Variants in FNDC3A observed in about 807,000 individuals in gnomAD.
FNDC3A encodes fibronectin type III domain containing 3A.
FNDC3A carries 32 observed loss-of-function variants against 148.9 expected under a neutral mutation model. That is an observed-to-expected ratio of 0.21 (90% confidence interval 0.16 to 0.29). FNDC3A has a LOEUF of 0.29. Among genes scored for constraint, FNDC3A ranks in the 10% least tolerant of loss-of-function variants. The probability of loss-of-function intolerance (pLI) is 1.00; values close to 1 mark genes in which losing one functional copy is unlikely to be tolerated. For synonymous variants in FNDC3A, 472 were observed against 473.6 expected (o/e 1.00, Z 0.04); for missense variants, 1,191 against 1,452.8 (o/e 0.82, Z 2.93).
chr13:49,187,551 C>T (rs1324630565), intron 16 of FNDC3A: 1 of 1,610,662 alleles, frequency 6.2e-7, no homozygotes, highest in Non-Finnish European at 8.5e-7. Context: ...ACAAACACAT[C>T]TTAGCTAGTA....
At chr13:49,185,087 GA>G (rs2138088396) in intron 14 of FNDC3A, among the ~76,000 whole-genome samples, 1 of 151,872 alleles carries the variant, frequency 6.6e-6, no homozygotes, top group South Asian at 2.1e-4. Context: ...GAGAGAAAAA[GA>G]GGGGCAGGTT....
chr13:49,090,192 G>T (rs576242382), intron 3 of FNDC3A, among the ~76,000 whole-genome samples: 6 of 152,306 alleles, frequency 3.9e-5, no homozygotes, highest in African/African-American at 1.4e-4. Flanking sequence ...GGAGGCTGAG[G>T]TGGGCAGATC....
chr13:49,093,349 G>C (rs541366272), intron 3 of FNDC3A, among the ~76,000 whole-genome samples: 5 of 152,210 alleles, frequency 3.3e-5, no homozygotes, highest in African/African-American at 1.2e-4. Flanking sequence ...TTGCCTTATA[G>C]ATCCTCAAGT....
chr13:49,136,337 C>A lies in FNDC3A; in HGVS notation c.496C>A (p.His166Asn). 1 of 1,612,260 alleles carries A rather than the reference C, an allele frequency of 6.2e-7. No individual in the cohort carries two copies. Among genetic ancestry groups the A allele is most frequent in the Non-Finnish European group, 8.5e-7 (1 of 1,178,760 alleles). ...SSQVYGDVDA[H>N]STHGRSNFRD... ...TTGTTTTTATTGCCTCCTAGATGCT[C>A]ACTCTACACATGGAAGGTCCAACTT... Residue 166 changes from histidine (H) to asparagine (N), a missense_variant, in exon 6 of 26, where the codon CAC becomes AAC. Around this residue, in one of 3 missense-constraint regions of FNDC3A, gnomAD observed 426 missense variants for 473.2 expected, o/e 0.90. Transcript: ENST00000492622.
intron 13 of FNDC3A, among the ~76,000 whole-genome samples, chr13:49,176,029 G>C (rs1418479712): frequency 6.6e-6 from 1 of 152,182 alleles, no homozygotes; most frequent in African/African-American, 2.4e-5. Context: ...AACCAGCCTT[G>C]CATTCCTAGG....
At chr13:49,105,409 C>T (rs1029810385) in intron 3 of FNDC3A, among the ~76,000 whole-genome samples, 3 of 152,212 alleles carry the variant, frequency 2.0e-5, no homozygotes, top group African/African-American at 7.2e-5. Context: ...TGTTCTGATC[C>T]ATGCTTCTCT....
At chr13:49,103,433 T>G (rs937065055) in intron 3 of FNDC3A, among the ~76,000 whole-genome samples, 2 of 152,226 alleles carry the variant, frequency 1.3e-5, no homozygotes, top group Non-Finnish European at 2.9e-5. Context: ...GGAAGCATAG[T>G]AGGCTACAGT....
chr13:49,006,441 G>A (rs1340646352), intron 2 of FNDC3A, 152 bp downstream of exon 2: 2 of 514,342 alleles, frequency 3.9e-6, no homozygotes, highest in Non-Finnish European at 6.9e-6. Context: ...TAAAAATAAT[G>A]AGACTGTTTT....
chr13:49,047,068 T>C (rs1054548187), intron 2 of FNDC3A, among the ~76,000 whole-genome samples: 15 of 151,876 alleles, frequency 9.9e-5, no homozygotes, highest in Middle Eastern at 3.2e-3. Context: ...ACCAAACATA[T>C]GTTTGCTTTT....
chr13:49,032,380 C>T (rs1003142323), intron 2 of FNDC3A, among the ~76,000 whole-genome samples: 1 of 152,126 alleles, frequency 6.6e-6, no homozygotes, highest in Non-Finnish European at 1.5e-5. Flanking sequence ...TCCAAATGTC[C>T]ATCAACAGAG....
chr13:49,150,261 G>A (rs1049393113), intron 8 of FNDC3A, among the ~76,000 whole-genome samples: 1 of 151,676 alleles, frequency 6.6e-6, no homozygotes, highest in Admixed American at 6.6e-5. Flanking sequence ...CTGCACCACT[G>A]CACCTGGCTG....
At chr13:49,080,162 G>T (rs1299305421) in intron 3 of FNDC3A, among the ~76,000 whole-genome samples, 1 of 152,090 alleles carries the variant, frequency 6.6e-6, no homozygotes, top group African/African-American at 2.4e-5. Context: ...TATCTACATT[G>T]TTCTTTTGAT....
chr13:49,172,334 CT>C (rs943179395), intron 11 of FNDC3A, among the ~76,000 whole-genome samples: 8 of 152,132 alleles, frequency 5.3e-5, no homozygotes, highest in Non-Finnish European at 1.0e-4. Flanking sequence ...GATAAAGGAA[CT>C]TTTTTTTCAC....
chr13:49,136,093 C>T (rs1279153247), intron 5 of FNDC3A, among the ~76,000 whole-genome samples: 1 of 151,994 alleles, frequency 6.6e-6, no homozygotes, highest in African/African-American at 2.4e-5. Flanking sequence ...TAGTTGAGAA[C>T]AGAAGGAAAT....
intron 1 of FNDC3A, among the ~76,000 whole-genome samples, chr13:48,986,806 G>T (rs981185558): frequency 1.3e-5 from 2 of 152,074 alleles, no homozygotes; most frequent in African/African-American, 4.8e-5. Context: ...ATCTCAGAAA[G>T]GACTACTTTA....
intron 2 of FNDC3A, among the ~76,000 whole-genome samples, chr13:49,055,078 G>C (rs1053160082): frequency 4.0e-5 from 6 of 151,332 alleles, no homozygotes; most frequent in Admixed American, 3.9e-4. Flanking sequence ...GTATTTCACT[G>C]TGGCAGTTGG....
At chr13:49,151,533 G>A (rs1258459424) in intron 8 of FNDC3A, among the ~76,000 whole-genome samples, 1 of 152,024 alleles carries the variant, frequency 6.6e-6, no homozygotes, top group Non-Finnish European at 1.5e-5. Flanking sequence ...TTCATTCAGT[G>A]AGTTTGTGTC....
At chr13:49,185,213 T>C (rs1885505318) in intron 14 of FNDC3A, among the ~76,000 whole-genome samples, 1 of 152,168 alleles carries the variant, frequency 6.6e-6, no homozygotes. Flanking sequence ...AATACCTAGA[T>C]TGGAATTATA....
intron 2 of FNDC3A, among the ~76,000 whole-genome samples, chr13:49,028,407 A>AT (rs1027855551): frequency 6.6e-6 from 1 of 151,762 alleles, no homozygotes; most frequent in African/African-American, 2.4e-5. Flanking sequence ...CACCCAGCTA[A>AT]TTTTTTAATT....
Sources: gnomAD v4.1 joint callset for allele counts (sites outside exome capture counted in the v4.1 genomes callset) on GRCh38, gnomAD v4.1.1 for gene constraint, gnomAD v4.1.1 regional missense constraint, MANE v1.5 for transcripts, NCBI Gene and HGNC (gene_info 2026-07-23, HGNC 2026-07-21) for gene names.